NCKAP5: variants seen among roughly 807,000 people sequenced by gnomAD.
NCKAP5 encodes the protein nck-associated protein 5.
In NCKAP5, 92 loss-of-function variants were observed where a neutral mutation model predicts 167.0. The ratio of observed to expected loss-of-function variants is 0.55; its 90% CI spans 0.47 to 0.66. The LOEUF is 0.66. Ranked by LOEUF, NCKAP5 falls within the 30% of genes least tolerant of loss-of-function variation. The pLI is 0.00. For synonymous variants in NCKAP5, 891 were observed against 877.4 expected (o/e 1.02, Z -0.27); for missense variants, 2,378 against 2,315.0 (o/e 1.03, Z -0.56).
intron 2 of NCKAP5, among the ~76,000 whole-genome samples, chr2:133,527,595 T>G (rs891232952): frequency 1.3e-5 from 2 of 151,794 alleles, no homozygotes; most frequent in African/African-American, 2.4e-5. Context: ...TAGGAAGAAT[T>G]TTTAGTGAAC....
intron 16 of NCKAP5, among the ~76,000 whole-genome samples, chr2:132,763,300 A>G (rs536153321): frequency 2.8e-4 from 43 of 152,272 alleles, no homozygotes; most frequent in African/African-American, 9.9e-4. Context: ...ATCCAACTGT[A>G]TCTGCATCTT....
intron 16 of NCKAP5, among the ~76,000 whole-genome samples, chr2:132,755,070 T>C (rs979399500): frequency 6.6e-6 from 1 of 152,210 alleles, no homozygotes; most frequent in Non-Finnish European, 1.5e-5. Flanking sequence ...GAGGTTTGAG[T>C]ACCAGAAAAT....
At chr2:132,885,052 G>C (rs1692106413) in intron 8 of NCKAP5, among the ~76,000 whole-genome samples, 1 of 152,188 alleles carries the variant, frequency 6.6e-6, no homozygotes, top group Non-Finnish European at 1.5e-5. Context: ...CAATTTAATT[G>C]ATGTAATCCT....
intron 7 of NCKAP5, among the ~76,000 whole-genome samples, chr2:132,985,033 C>T (rs1411862148): frequency 6.6e-6 from 1 of 151,664 alleles, no homozygotes; most frequent in African/African-American, 2.4e-5. Flanking sequence ...GGCTGGCTCT[C>T]TGCTGAGATG....
chr2:133,102,376 T>C (rs1437206483), intron 6 of NCKAP5, among the ~76,000 whole-genome samples: 4 of 152,128 alleles, frequency 2.6e-5, no homozygotes, highest in Admixed American at 1.3e-4. Flanking sequence ...CTCGATCTCC[T>C]GACCTCGTGA....
intron 11 of NCKAP5, among the ~76,000 whole-genome samples, chr2:132,829,488 A>G (rs2105358301): frequency 6.6e-6 from 1 of 152,328 alleles, no homozygotes; most frequent in East Asian, 1.9e-4. Flanking sequence ...AGTCACACTC[A>G]TTCATTTACA....
rs747621414 is a variant in NCKAP5, at chr2:132,783,560, A to C, written c.3251T>G (p.Val1084Gly). 6.2e-7 allele frequency: 1 copy of C among 1,613,934 alleles called. No homozygotes were observed. Residue 1084 changes from valine (V) to glycine (G), a missense_variant, in exon 14 of 20, where the codon GTA becomes GGA. This residue lies in a region of NCKAP5 where 1,325 missense variants were observed against 1,274.5 expected (regional missense o/e 1.04). Coordinates refer to ENST00000409261, the MANE Select transcript of NCKAP5 (RefSeq NM_207363.3). ...CAATTGTCCTTTTCTCCCTGGAGAT[A>C]CACTTTTGGAGGACGTCATTTCCAG... Reference protein sequence around the residue: ...EPLEMTSSKSVSPGRKGQLND... With the variant: ...EPLEMTSSKSGSPGRKGQLND...
chr2:132,895,224 T>G (rs916656009), intron 8 of NCKAP5, among the ~76,000 whole-genome samples: 12 of 151,298 alleles, frequency 7.9e-5, no homozygotes, highest in East Asian at 7.9e-4. Context: ...CCAGCTACTC[T>G]GGAGGCTGAG....
At chr2:133,499,443 A>C (rs959705545) in intron 3 of NCKAP5, among the ~76,000 whole-genome samples, 4 of 152,256 alleles carry the variant, frequency 2.6e-5, no homozygotes, top group Non-Finnish European at 5.9e-5. Context: ...ATGCAAAAAA[A>C]CCAACACCAG....
At chr2:133,174,200 T>C (rs995541939) in intron 5 of NCKAP5, among the ~76,000 whole-genome samples, 1 of 152,112 alleles carries the variant, frequency 6.6e-6, no homozygotes. Flanking sequence ...TAAAATACCC[T>C]CCAGTTTGGG....
chr2:132,882,711 T>C (rs1691863305), intron 8 of NCKAP5, among the ~76,000 whole-genome samples: 1 of 152,236 alleles, frequency 6.6e-6, no homozygotes, highest in Non-Finnish European at 1.5e-5. Flanking sequence ...CCTCTCTTCT[T>C]AATTACATTT....
chr2:132,885,193 C>T (rs1406741690), intron 8 of NCKAP5, among the ~76,000 whole-genome samples: 1 of 140,142 alleles, frequency 7.1e-6, no homozygotes, highest in Admixed American at 7.3e-5. Flanking sequence ...CAACTTAAGG[C>T]AACAGAGAAA....
chr2:132,771,670 T>C (rs1234519279), intron 16 of NCKAP5, among the ~76,000 whole-genome samples: 1 of 146,488 alleles, frequency 6.8e-6, no homozygotes, highest in Non-Finnish European at 1.5e-5. Flanking sequence ...TTATCTTTGA[T>C]GCTAATTGTT....
intron 6 of NCKAP5, chr2:133,122,531 C>A (rs1376546327): frequency 6.6e-6 from 1 of 152,186 alleles, no homozygotes; most frequent in Admixed American, 6.5e-5. Context: ...CTAAAGTGGA[C>A]AACATCAGAG....
chr2:133,513,832 A>G (rs1683718960), intron 3 of NCKAP5, among the ~76,000 whole-genome samples: 1 of 152,334 alleles, frequency 6.6e-6, no homozygotes, highest in East Asian at 1.9e-4. Flanking sequence ...TAAAAGCTAA[A>G]TGTATTTCCC....
chr2:133,171,026 T>A (rs1263540798), intron 5 of NCKAP5, among the ~76,000 whole-genome samples: 1 of 152,138 alleles, frequency 6.6e-6, no homozygotes, highest in African/African-American at 2.4e-5. Context: ...TACTGACAAT[T>A]TTTGAAGAGA....
At chr2:132,718,038 G>A (rs940685427) in intron 19 of NCKAP5, among the ~76,000 whole-genome samples, 50 of 152,098 alleles carry the variant, frequency 3.3e-4, no homozygotes, top group African/African-American at 1.1e-3. Context: ...CCAACAATAC[G>A]GCACTAGGCA....
At chr2:133,340,065 T>G (rs1328012093) in intron 3 of NCKAP5, among the ~76,000 whole-genome samples, 1 of 152,166 alleles carries the variant, frequency 6.6e-6, no homozygotes, top group Non-Finnish European at 1.5e-5. Context: ...TCTCAAAATA[T>G]ATGATCCCTG....
At chr2:132,776,124 A>G (rs191738694) in intron 15 of NCKAP5, among the ~76,000 whole-genome samples, 47 of 152,304 alleles carry the variant, frequency 3.1e-4, no homozygotes, top group South Asian at 2.3e-3. Context: ...CTATAATTCA[A>G]TTTTTCAGAG....
Sources: gnomAD v4.1 joint callset for allele counts (sites outside exome capture counted in the v4.1 genomes callset) on GRCh38, gnomAD v4.1.1 for gene constraint, gnomAD v4.1.1 regional missense constraint, MANE v1.5 for transcripts, NCBI Gene and HGNC (gene_info 2026-07-23, HGNC 2026-07-21) for gene names.